The following SEC22C variants were observed in gnomAD, a reference collection of about 807,000 sequenced individuals.
SEC22C encodes SEC22 homolog C, vesicle trafficking protein.
SEC22C carries 29 observed loss-of-function variants against 34.7 expected under a neutral mutation model. The observed-to-expected ratio is 0.84, with a 90% CI of 0.62 to 1.14. The LOEUF is 1.14. SEC22C is among the 50% of genes most tolerant of loss of function. SEC22C has a pLI of 0.00. For synonymous variants in SEC22C, 117 were observed against 132.8 expected (o/e 0.88, Z 0.82); for missense variants, 337 against 369.0 (o/e 0.91, Z 0.71).
chr3:42,594,377 C>A, intron 1 of SEC22C: 3 of 1,482,766 alleles, frequency 2.0e-6, no homozygotes, highest in South Asian at 2.3e-5. Flanking sequence ...TGTTCATGGT[C>A]GGTAAAAACA....
At chr3:42,566,018 T>C (rs1406521912) in intron 2 of SEC22C, 1 of 396,260 alleles carries the variant, frequency 2.5e-6, no homozygotes, top group Admixed American at 3.3e-5. Context: ...ATCTGAAGTC[T>C]TAGACTTCTT....
chr3:42,595,743 T>C (rs1206395569), intron 1 of SEC22C, among the ~76,000 whole-genome samples: 1 of 152,230 alleles, frequency 6.6e-6, no homozygotes, highest in African/African-American at 2.4e-5. Flanking sequence ...CCTGCTCCTT[T>C]TTTTGGAGTC....
At chr3:42,587,659 C>T (rs1352186406) in intron 1 of SEC22C, 1 of 151,980 alleles carries the variant, frequency 6.6e-6, no homozygotes, top group East Asian at 1.9e-4. Context: ...TGGCATGAAC[C>T]TGGGAGGCGG....
intron 2 of SEC22C, chr3:42,563,888 T>A (rs1029594910): frequency 1.4e-6 from 2 of 1,463,334 alleles, no homozygotes; most frequent in Admixed American, 2.1e-5. Context: ...TGTCTAGTAG[T>A]CTTAATCAAT....
rs1012779468 is a variant in SEC22C, at chr3:42,553,234, T to A, written c.*14A>T. 1.2e-6 allele frequency: 2 copies of A among 1,613,532 alleles called. No homozygotes were observed. The highest frequency in any genetic ancestry group is 2.7e-5 in the African/African-American group (2 of 74,914). On this transcript the variant is annotated 3_prime_UTR_variant, in exon 7 of 7. Transcript: ENST00000264454. ...AAAAGAAAATCAAAGAATCCATTCA[T>A]CACAGTGTCATCCTCATACTCCACA...
At chr3:42,598,473 G>A (rs1194122876) in intron 1 of SEC22C, among the ~76,000 whole-genome samples, 1 of 151,872 alleles carries the variant, frequency 6.6e-6, no homozygotes, top group Non-Finnish European at 1.5e-5. Flanking sequence ...GATTACAGGT[G>A]CCTGCCACCA....
intron 1 of SEC22C, among the ~76,000 whole-genome samples, chr3:42,575,397 A>G: frequency 6.6e-6 from 1 of 152,266 alleles, no homozygotes; most frequent in East Asian, 1.9e-4. Flanking sequence ...ATTCACTTCC[A>G]GTATAACAAT....
At chr3:42,570,108 T>G (rs1703524354) in intron 1 of SEC22C, among the ~76,000 whole-genome samples, 1 of 152,218 alleles carries the variant, frequency 6.6e-6, no homozygotes, top group South Asian at 2.1e-4. Context: ...AGGATACCAG[T>G]GGACCTCTCT....
chr3:42,600,895 C>G, intron 1 of SEC22C: 2 of 780,188 alleles, frequency 2.6e-6, no homozygotes, highest in Non-Finnish European at 1.8e-6. Context: ...GGCACCGTGG[C>G]GCGGACTTCG....
At chr3:42,580,160 A>G (rs1704234102) in intron 1 of SEC22C, among the ~76,000 whole-genome samples, 1 of 152,116 alleles carries the variant, frequency 6.6e-6, no homozygotes, top group African/African-American at 2.4e-5. Context: ...GCTACCCTTG[A>G]TCCTGTTTTT....
intron 3 of SEC22C, among the ~76,000 whole-genome samples, chr3:42,562,700 C>G (rs1702997568): frequency 6.6e-6 from 1 of 152,126 alleles, no homozygotes; most frequent in Non-Finnish European, 1.5e-5. Context: ...CAGACTGTCC[C>G]CCAACTGCCA....
intron 4 of SEC22C, among the ~76,000 whole-genome samples, chr3:42,560,173 T>G (rs972980170): frequency 1.4e-5 from 2 of 145,380 alleles, no homozygotes; most frequent in Admixed American, 7.0e-5. Flanking sequence ...ATATATATTT[T>G]ATATATAATA....
Position 42,548,513 on chromosome 3 carries a change from C to T in SEC22C, c.*4735G>A, listed in dbSNP as rs553323381. 2.9e-6 allele frequency: 4 copies of T among 1,362,052 alleles called. No individual in the cohort carries two copies. Among genetic ancestry groups the T allele is most frequent in the Non-Finnish European group, 4.2e-6 (4 of 962,834 alleles). 84.4% of individuals were successfully genotyped at this position (1,362,052 alleles called of 1,614,324 possible). ...GATTTCACTGACATGCCCTTTTCCA[C>T]AGGCTCCCTGCTGATGAGATTTCCC... On this transcript the variant is annotated 3_prime_UTR_variant, in exon 7 of 7. Transcript: ENST00000264454.
chr3:42,563,568 T>A lies in SEC22C; in HGVS notation c.301A>T (p.Thr101Ser), dbSNP rs1336651075. 2 of 1,613,918 alleles carry A rather than the reference T, an allele frequency of 1.2e-6. No individual in the cohort carries two copies. The highest frequency in any genetic ancestry group is 1.7e-6 in the Non-Finnish European group (2 of 1,179,976). ...WWEFTASYDT[T>S]CIGLASRPYA... is the part of the protein sequence containing the mutation. Reference sequence around the variant, plus strand: ...GGCCTGGAGGCTAGGCCAATGCAGGTAGTGTCATAGGAAGCTGTGAATTCC... The same window carrying A: ...GGCCTGGAGGCTAGGCCAATGCAGGAAGTGTCATAGGAAGCTGTGAATTCC... Residue 101 changes from threonine to serine, a missense_variant, in exon 3 of 7, where the codon ACC becomes TCC. Transcript: ENST00000264454.
At chr3:42,601,063 G>A (rs1705367343) in exon 1 of SEC22C, 1 of 1,571,048 alleles carries the variant, frequency 6.4e-7, no homozygotes, top group Non-Finnish European at 8.6e-7. Context: ...ACCGGGAGCC[G>A]GGTGAGCTGG....
chr3:42,570,559 C>T (rs1703554113), intron 1 of SEC22C, among the ~76,000 whole-genome samples: 1 of 152,032 alleles, frequency 6.6e-6, no homozygotes, highest in Admixed American at 6.5e-5. Flanking sequence ...TCCATTTGAC[C>T]CATTTCTCCA....
chr3:42,594,248 G>C (rs1000047793), intron 1 of SEC22C, among the ~76,000 whole-genome samples: 1 of 152,196 alleles, frequency 6.6e-6, no homozygotes, highest in Non-Finnish European at 1.5e-5. Context: ...CAGTAAGAAT[G>C]GGTGAGAATC....
chr3:42,562,746 C>A (rs1042603744), intron 3 of SEC22C, among the ~76,000 whole-genome samples: 3 of 152,252 alleles, frequency 2.0e-5, no homozygotes, highest in Non-Finnish European at 4.4e-5. Context: ...TCAAAATGAC[C>A]CACACCTGAC....
At chr3:42,577,491 G>A (rs1001425559) in intron 1 of SEC22C, among the ~76,000 whole-genome samples, 30 of 152,248 alleles carry the variant, frequency 2.0e-4, no homozygotes, top group African/African-American at 7.2e-4. Flanking sequence ...AGGATATATG[G>A]ATGGCAAATC....
Sources: gnomAD v4.1 joint callset for allele counts (sites outside exome capture counted in the v4.1 genomes callset) on GRCh38, gnomAD v4.1.1 for gene constraint, MANE v1.5 for transcripts, NCBI Gene and HGNC (gene_info 2026-07-23, HGNC 2026-07-21) for gene names.